SHANK2: variants seen among roughly 807,000 people sequenced by gnomAD.
SHANK2 encodes the protein SH3 and multiple ankyrin repeat domains protein 2.
A neutral mutation model predicts 133.7 loss-of-function variants in SHANK2; 43 were observed. That is an observed-to-expected ratio of 0.32 (90% confidence interval 0.25 to 0.41). The LOEUF is 0.41. Ranked by LOEUF, SHANK2 falls within the 10% of genes least tolerant of loss-of-function variation. The pLI, the probability that SHANK2 is intolerant of heterozygous loss-of-function variation, is 1.00. For missense variants in SHANK2, 1,994 were observed against 2,235.8 expected, an observed-to-expected ratio of 0.89 and a Z score of 2.18; for synonymous variants, 1,017 against 952.8, an observed-to-expected ratio of 1.07 and a Z score of -1.24.
intron 11 of SHANK2, among the ~76,000 whole-genome samples, chr11:70,859,015 G>A (rs1340075962): frequency 3.3e-5 from 5 of 152,194 alleles, no homozygotes; most frequent in African/African-American, 9.7e-5. Context: ...ACTGGTGTTG[G>A]GCCTAGAGTC....
At chr11:71,201,265 C>T (rs1954014305) in intron 2 of SHANK2, among the ~76,000 whole-genome samples, 1 of 152,218 alleles carries the variant, frequency 6.6e-6, no homozygotes, top group African/African-American at 2.4e-5. Context: ...TGAGGCACTG[C>T]AAAGAGAGAG....
In SHANK2 at chr11:70,502,872, C is replaced by T. The variant is rs937992517; in HGVS notation, c.2121G>A (p.Gln707=). 1.9e-6 allele frequency: 3 copies of T among 1,613,990 alleles called. No homozygotes were observed. The highest frequency in any genetic ancestry group is 2.7e-5 in the African/African-American group (2 of 74,900). Reference sequence around the variant, plus strand: ...CCTTAAGGACCAGGTGATTCCCTCCCTGCCGGATCATGTTCACCACCTGCC... The same window carrying T: ...CCTTAAGGACCAGGTGATTCCCTCCTTGCCGGATCATGTTCACCACCTGCC... ...GHRQVVNMIR[Q]GGNHLVLKVV... is the part of the protein sequence containing the mutation. Residue 707 remains glutamine (Q), a synonymous_variant, in exon 18 of 26, where the codon CAG becomes CAA. Coordinates refer to ENST00000601538, the MANE Select transcript of SHANK2 (RefSeq NM_012309.5).
intron 15 of SHANK2, among the ~76,000 whole-genome samples, chr11:70,694,430 T>C (rs1555021782): frequency 6.6e-6 from 1 of 152,178 alleles, no homozygotes; most frequent in East Asian, 1.9e-4. Flanking sequence ...ATTCAGAAAA[T>C]GTCTCCACTG....
chr11:71,080,983 A>G (rs1207187394), intron 8 of SHANK2, among the ~76,000 whole-genome samples: 1 of 152,184 alleles, frequency 6.6e-6, no homozygotes, highest in Non-Finnish European at 1.5e-5. Context: ...TCCCTGCAGC[A>G]TTCATGCGTT....
At chr11:71,166,933 C>A (rs10897686) in intron 2 of SHANK2, among the ~76,000 whole-genome samples, 1,656 of 108,434 alleles carry the variant, frequency 0.015, 83 homozygotes, top group Middle Eastern at 0.034. Context: ...GAGGACCCTG[C>A]GGCCTTCCGC....
intron 14 of SHANK2, among the ~76,000 whole-genome samples, chr11:70,737,339 C>T (rs1555033769): frequency 6.6e-6 from 1 of 152,190 alleles, no homozygotes; most frequent in African/African-American, 2.4e-5. Flanking sequence ...TGTGAGGTGG[C>T]AGCCCCAACG....
At chr11:71,156,968 G>A (rs1379104689) in intron 2 of SHANK2, among the ~76,000 whole-genome samples, 1 of 152,152 alleles carries the variant, frequency 6.6e-6, no homozygotes, top group Non-Finnish European at 1.5e-5. Flanking sequence ...ACCCTGCCAA[G>A]TATTATCGCC....
intron 15 of SHANK2, among the ~76,000 whole-genome samples, chr11:70,664,432 T>A (rs1024720265): frequency 3.9e-5 from 6 of 152,328 alleles, no homozygotes; most frequent in African/African-American, 1.4e-4. Context: ...GCTGTGCACC[T>A]GCTGTCTGCA....
intron 15 of SHANK2, among the ~76,000 whole-genome samples, chr11:70,672,597 G>C (rs1422039831): frequency 6.6e-6 from 1 of 152,210 alleles, no homozygotes; most frequent in Non-Finnish European, 1.5e-5. Flanking sequence ...AGGTCCCCTG[G>C]GTCACCTCCA....
intron 11 of SHANK2, among the ~76,000 whole-genome samples, chr11:70,891,063 C>T (rs1474431740): frequency 6.6e-6 from 1 of 152,158 alleles, no homozygotes. Context: ...ATTTCAGGTA[C>T]CTGACATGTG....
intron 6 of SHANK2, among the ~76,000 whole-genome samples, chr11:71,105,199 C>T (rs376310781): frequency 7.9e-5 from 12 of 152,146 alleles, no homozygotes; most frequent in African/African-American, 1.4e-4. Context: ...ACCTTCCGCA[C>T]GTGCTGCCAT....
intron 25 of SHANK2, among the ~76,000 whole-genome samples, chr11:70,476,309 A>G (rs550436457): frequency 6.6e-6 from 1 of 152,274 alleles, no homozygotes; most frequent in East Asian, 1.9e-4. Context: ...ACAGCAGGGG[A>G]GAGGGGCCAG....
intron 2 of SHANK2, among the ~76,000 whole-genome samples, chr11:71,216,175 G>A (rs781850925): frequency 2.0e-5 from 3 of 152,200 alleles, no homozygotes; most frequent in Admixed American, 1.3e-4. Flanking sequence ...GTACAAGAAT[G>A]TCCAAGTGTG....
At position 70,836,450 on chromosome 11, in the gene SHANK2, A is replaced by C. The variant is rs75244020; in HGVS notation, c.1175-15768T>G. 6.5e-3 allele frequency among the ~76,000 whole-genome samples: 986 copies of C among 152,296 alleles called. 14 individuals are homozygous for C. The highest frequency in any genetic ancestry group is 0.023 in the African/African-American group (955 of 41,562). On this transcript the variant is annotated intron_variant, in intron 11 of 25. Coordinates refer to ENST00000601538, the MANE Select transcript of SHANK2 (RefSeq NM_012309.5). ...CAGTTGTGCAAGTCAACGTTTACAA[A>C]GTGCCAGGTATGGAGGGAAAGGACT...
At chr11:70,806,479 A>G (rs1262837740) in intron 13 of SHANK2, among the ~76,000 whole-genome samples, 1 of 152,230 alleles carries the variant, frequency 6.6e-6, no homozygotes, top group Non-Finnish European at 1.5e-5. Flanking sequence ...AACAATGTCT[A>G]ACCCCTTCTT....
intron 17 of SHANK2, among the ~76,000 whole-genome samples, chr11:70,524,899 C>T (rs1221822598): frequency 6.6e-6 from 1 of 152,266 alleles, no homozygotes; most frequent in Non-Finnish European, 1.5e-5. Flanking sequence ...CACACGCACA[C>T]AGGCACGAGG....
chr11:70,752,403 G>A (rs1217449893), intron 14 of SHANK2, among the ~76,000 whole-genome samples: 13 of 152,100 alleles, frequency 8.5e-5, no homozygotes, highest in African/African-American at 3.1e-4. Context: ...GGGATAAATA[G>A]GAACATTGAA....
chr11:70,756,510 C>T (rs1415860361), intron 14 of SHANK2, among the ~76,000 whole-genome samples: 4 of 152,174 alleles, frequency 2.6e-5, no homozygotes, highest in Admixed American at 6.5e-5. Context: ...AATCCACCGC[C>T]GCCTGCACGC....
chr11:71,121,191 C>A (rs1462082380), intron 3 of SHANK2, among the ~76,000 whole-genome samples: 3 of 152,246 alleles, frequency 2.0e-5, no homozygotes, highest in Non-Finnish European at 2.9e-5. Flanking sequence ...ACCCACCCAG[C>A]AGTCCTCTGA....
Sources: allele counts gnomAD v4.1 joint callset (sites outside exome capture counted in the v4.1 genomes callset), GRCh38; gene constraint gnomAD v4.1.1; transcripts MANE v1.5; gene names NCBI Gene and HGNC (gene_info 2026-07-23, HGNC 2026-07-21).